GDAP1: variants seen among roughly 807,000 people sequenced by gnomAD.
GDAP1 encodes ganglioside induced differentiation associated protein 1.
In GDAP1, 34 loss-of-function variants were observed where a neutral mutation model predicts 40.1. The ratio of observed to expected loss-of-function variants is 0.85; its 90% CI spans 0.64 to 1.13. The LOEUF (loss-of-function observed/expected upper bound fraction) is 1.13, where lower values mean the gene tolerates loss of function less well. GDAP1 is among the 50% of genes most tolerant of loss of function. GDAP1 has a pLI of 0.00. For synonymous variants in GDAP1, 170 were observed against 157.4 expected, an observed-to-expected ratio of 1.08 and a Z score of -0.60; for missense variants, 374 against 433.7, an observed-to-expected ratio of 0.86 and a Z score of 1.22.
intron 2 of GDAP1, among the ~76,000 whole-genome samples, chr8:74,405,458 T>C (rs955281839): frequency 6.7e-6 from 1 of 150,104 alleles, no homozygotes; most frequent in African/African-American, 2.5e-5. Context: ...ATTTTTTATC[T>C]GAAGGTGGTT....
downstream of GDAP1, among the ~76,000 whole-genome samples, chr8:74,368,149 A>G (rs1191803064): frequency 6.6e-6 from 1 of 152,228 alleles, no homozygotes; most frequent in Non-Finnish European, 1.5e-5. Context: ...AGGAGAGCCA[A>G]TAGTATAGCT....
rs543598612 is a variant in GDAP1 at position 74,451,923 on chromosome 8, C to CTTAATTTAATTTAATTTAATTTAAT, written c.166-36737_166-36713dup. 4.2e-4 allele frequency among the ~76,000 whole-genome samples: 23 copies of CTTAATTTAATTTAATTTAATTTAAT among 54,614 alleles called. 8 individuals are homozygous for CTTAATTTAATTTAATTTAATTTAAT. The highest frequency in any genetic ancestry group is 6.7e-4 in the Non-Finnish European group (20 of 29,836). 35.8% of individuals were successfully genotyped at this position (54,614 alleles called of 152,430 possible). On this transcript the variant is annotated intron_variant, in intron 2 of 2. Transcript: ENST00000523640. ...GCCTTGGTATGCTGCTCTTTATTTT[C>CTTAATTTAATTTAATTTAATTTAAT]TTAATTTAATTTAATTTAATTTAAT...
chr8:74,412,334 A>C (rs1341381518), intron 2 of GDAP1, among the ~76,000 whole-genome samples: 1 of 150,178 alleles, frequency 6.7e-6, no homozygotes, highest in Non-Finnish European at 1.5e-5. Context: ...CCAACATATA[A>C]AAGTCAAGCT....
intron 2 of GDAP1, 88 bp downstream of exon 2, chr8:74,351,554 C>G: frequency 1.0e-6 from 1 of 992,128 alleles, no homozygotes; most frequent in Non-Finnish European, 1.6e-6. Flanking sequence ...TCCTCTCTCT[C>G]TTTCTCTTGT....
At chr8:74,486,429 T>C (rs997061738) in intron 2 of GDAP1, among the ~76,000 whole-genome samples, 7 of 152,204 alleles carry the variant, frequency 4.6e-5, no homozygotes, top group African/African-American at 1.7e-4. Flanking sequence ...GGACAGCAAA[T>C]TCTGTGTGGT....
rs148498812 is a variant in GDAP1, at chr8:74,397,175, T to C, written c.165+45854T>C. Among the ~76,000 whole-genome samples the C allele has an allele frequency of 5.6e-3, 851 of 151,042 alleles. 10 individuals are homozygous for C. Among genetic ancestry groups the C allele is most frequent in the African/African-American group, 0.019 (790 of 41,010 alleles). ...TCTTCTCTTGAGAAGTGTCTGTTCA[T>C]GTCCTTTGCCCGCTTTTTGATGGGT... On this transcript the variant is annotated intron_variant, in intron 2 of 2. Coordinates refer to the GDAP1 transcript ENST00000523640.
intron 2 of GDAP1, among the ~76,000 whole-genome samples, chr8:74,424,371 A>G (rs1805922079): frequency 2.0e-5 from 3 of 152,118 alleles, no homozygotes; most frequent in Non-Finnish European, 2.9e-5. Context: ...CGTGGACACA[A>G]ATCACTTTCC....
chr8:74,366,235 A>G lies in GDAP1; in HGVS notation c.*1868A>G, dbSNP rs751842546. The stretch of plus-strand genomic sequence containing the variant: ...TGGCAATTTCATATATTTCATGGAT[A>G]CTTGAGTTTGTGCTTTTAAGGTGTT... On this transcript the variant is annotated 3_prime_UTR_variant, in exon 6 of 6. Coordinates refer to ENST00000220822, the MANE Select transcript of GDAP1 (RefSeq NM_018972.4). 2.2e-6 allele frequency: 1 copy of G among 454,262 alleles called. No individual in the cohort carries two copies. Among genetic ancestry groups the G allele is most frequent in the South Asian group, 1.6e-5 (1 of 64,324 alleles). The allele number at this position is 454,262 out of a possible 1,614,324, so 28.1% of individuals were successfully genotyped here.
At chr8:74,478,002 C>T (rs572984795) in intron 2 of GDAP1, among the ~76,000 whole-genome samples, 96 of 152,126 alleles carry the variant, frequency 6.3e-4, no homozygotes, top group Non-Finnish European at 3.5e-4. Context: ...GTATCCTATG[C>T]GCACATTCGA....
chr8:74,424,048 G>T (rs1364365061), intron 2 of GDAP1, among the ~76,000 whole-genome samples: 3 of 152,174 alleles, frequency 2.0e-5, no homozygotes, highest in East Asian at 3.9e-4. Context: ...TGGGGGATTG[G>T]TTCCAGGACT....
At chr8:74,398,287 C>A (rs536687663) in intron 2 of GDAP1, among the ~76,000 whole-genome samples, 74 of 152,106 alleles carry the variant, frequency 4.9e-4, no homozygotes, top group Non-Finnish European at 1.0e-4. Context: ...AGGATTGCAA[C>A]CCCTGCCTTT....
chr8:74,396,496 C>T (rs1379661111), intron 2 of GDAP1, among the ~76,000 whole-genome samples: 5 of 151,870 alleles, frequency 3.3e-5, no homozygotes, highest in Non-Finnish European at 7.4e-5. Flanking sequence ...CTAATGCTAT[C>T]CTTCCCCCAT....
intron 2 of GDAP1, among the ~76,000 whole-genome samples, chr8:74,484,440 G>A (rs1806750249): frequency 6.6e-6 from 1 of 152,106 alleles, no homozygotes; most frequent in African/African-American, 2.4e-5. Flanking sequence ...TTGTTCTAAG[G>A]ATATCGGAAA....
chr8:74,392,669 G>A (rs1810128687), intron 2 of GDAP1, among the ~76,000 whole-genome samples: 2 of 152,326 alleles, frequency 1.3e-5, no homozygotes, highest in Middle Eastern at 6.8e-3. Flanking sequence ...ACATTTTCCA[G>A]CATCCTTTGG....
Position 74,415,049 on chromosome 8 carries a change from A to G in GDAP1, c.165+63728A>G, listed in dbSNP as rs1805761517. Among the ~76,000 whole-genome samples, 2 of 150,242 alleles carry G rather than the reference A, an allele frequency of 1.3e-5. 1 individual carries two copies. Among genetic ancestry groups the G allele is most frequent in the African/African-American group, 5.1e-5 (2 of 39,524 alleles). ...CACTTCTAGATTGCTCAATGAAAAG[A>G]ACTCTCAATCCAAAATTTATGTCTA... On this transcript the variant is annotated intron_variant, in intron 2 of 2. Transcript: ENST00000523640.
chr8:74,401,719 C>T (rs1168355021), intron 2 of GDAP1, among the ~76,000 whole-genome samples: 1 of 149,690 alleles, frequency 6.7e-6, no homozygotes, highest in Non-Finnish European at 1.5e-5. Flanking sequence ...TGGTGATGTA[C>T]AGATGGGTTT....
At chr8:74,404,711 C>A (rs1805615628) in intron 2 of GDAP1, among the ~76,000 whole-genome samples, 1 of 149,782 alleles carries the variant, frequency 6.7e-6, no homozygotes, top group Non-Finnish European at 1.5e-5. Context: ...CGTTCTCTTT[C>A]CTCCATGACT....
intron 2 of GDAP1, among the ~76,000 whole-genome samples, chr8:74,470,057 A>C (rs1806528299): frequency 6.6e-6 from 1 of 152,080 alleles, no homozygotes; most frequent in Non-Finnish European, 1.5e-5. Flanking sequence ...GAGTTGGGGG[A>C]CTTAGCTTTT....
chr8:74,468,478 T>TACACACACAC (rs71271804), intron 2 of GDAP1, among the ~76,000 whole-genome samples: 9 of 139,208 alleles, frequency 6.5e-5, no homozygotes, highest in Admixed American at 2.2e-4. Context: ...AATGACCCCA[T>TACACACACAC]ACACACACAC....
Sources: allele counts gnomAD v4.1 joint callset (sites outside exome capture counted in the v4.1 genomes callset), GRCh38; gene constraint gnomAD v4.1.1; transcripts MANE v1.5; gene names NCBI Gene and HGNC (gene_info 2026-07-23, HGNC 2026-07-21).